Variants in PRELID2 observed in about 807,000 individuals in gnomAD.
PRELID2 encodes PRELI domain-containing protein 2.
A neutral mutation model predicts 28.4 loss-of-function variants in PRELID2; 25 were observed. The ratio of observed to expected loss-of-function variants is 0.88; its 90% confidence interval spans 0.64 to 1.23. The LOEUF (loss-of-function observed/expected upper bound fraction) is 1.23, where lower values mean the gene tolerates loss of function less well. PRELID2 is among the 50% of genes most tolerant of loss of function. The probability of loss-of-function intolerance (pLI) is 0.00; values close to 1 mark genes in which losing one functional copy is unlikely to be tolerated. For missense variants in PRELID2, 201 were observed against 214.4 expected (o/e 0.94, Z 0.39); for synonymous variants, 76 against 71.6 (o/e 1.06, Z -0.31).
the PRELID2 span, among the ~76,000 whole-genome samples, chr5:145,257,184 G>A: frequency 6.6e-6 from 1 of 151,900 alleles, no homozygotes; most frequent in African/African-American, 2.4e-5. Flanking sequence ...AGTGTAATGT[G>A]TGGTTTAGAG....
intron 1 of PRELID2, among the ~76,000 whole-genome samples, chr5:145,566,469 G>A (rs1561507529): frequency 6.6e-6 from 1 of 152,048 alleles, no homozygotes; most frequent in African/African-American, 2.4e-5. Context: ...GAAAAGAGAA[G>A]AGGAAAAGAA....
chr5:145,271,889 T>G, the PRELID2 span, among the ~76,000 whole-genome samples: 1 of 152,182 alleles, frequency 6.6e-6, no homozygotes, highest in Non-Finnish European at 1.5e-5. Context: ...TTGAAGCATT[T>G]TATCAGTCTG....
intron 5 of PRELID2, among the ~76,000 whole-genome samples, chr5:145,784,125 T>C (rs1361862065): frequency 6.7e-6 from 1 of 149,346 alleles, no homozygotes; most frequent in African/African-American, 2.5e-5. Context: ...TTACTAAAAA[T>C]ACAAAAAAAT....
At chr5:145,724,436 C>T (rs1246078016) in intron 1 of PRELID2, among the ~76,000 whole-genome samples, 2 of 150,962 alleles carry the variant, frequency 1.3e-5, no homozygotes, top group Admixed American at 6.6e-5. Context: ...GGAGAAATAT[C>T]AATCTATAAT....
intron 1 of PRELID2, among the ~76,000 whole-genome samples, chr5:145,475,743 C>T (rs1417783864): frequency 1.3e-5 from 2 of 152,130 alleles, no homozygotes; most frequent in Non-Finnish European, 2.9e-5. Context: ...GTCAGCTAAT[C>T]TCTCATTAGA....
At chr5:145,488,934 A>C (rs963018132) in intron 1 of PRELID2, among the ~76,000 whole-genome samples, 3 of 152,122 alleles carry the variant, frequency 2.0e-5, no homozygotes, top group Non-Finnish European at 2.9e-5. Flanking sequence ...TACAGTCCTG[A>C]TTTCCTTTTG....
rs186874652 is a variant in PRELID2 at position 145,616,614 on chromosome 5, A to G, written n.71-143299T>C. Among the ~76,000 whole-genome samples, 80 of 152,258 alleles carry G rather than the reference A, an allele frequency of 5.3e-4. No individual in the cohort carries two copies. In the East Asian group the frequency reaches 0.013, roughly 25 times the overall value. On this transcript the variant is annotated intron_variant and non_coding_transcript_variant, in intron 1 of 2. Transcript: ENST00000510259. ...AGCAAGTTTTTATTAGTGATTTTCA[A>G]AAGGGGAGGGAGTGTACAAATAGGG...
At chr5:145,794,271 T>C (rs1459674615) in intron 5 of PRELID2, among the ~76,000 whole-genome samples, 3 of 152,118 alleles carry the variant, frequency 2.0e-5, no homozygotes, top group Non-Finnish European at 4.4e-5. Context: ...AGTGAAGACC[T>C]TTCTGAAGGC....
At chr5:145,640,993 T>C (rs1157166453) in intron 1 of PRELID2, among the ~76,000 whole-genome samples, 2 of 152,198 alleles carry the variant, frequency 1.3e-5, no homozygotes, top group African/African-American at 4.8e-5. Flanking sequence ...AACCATATTT[T>C]ATACCAGGCC....
chr5:145,701,296 T>G (rs1024448204), intron 1 of PRELID2, among the ~76,000 whole-genome samples: 14 of 152,202 alleles, frequency 9.2e-5, no homozygotes, highest in South Asian at 2.1e-4. Context: ...TGACCCAAAG[T>G]ATACTTTCAA....
At chr5:145,313,979 C>T in the PRELID2 span, among the ~76,000 whole-genome samples, 1 of 152,158 alleles carries the variant, frequency 6.6e-6, no homozygotes, top group Non-Finnish European at 1.5e-5. Flanking sequence ...TTCAAAGTGC[C>T]TATTTTCCAA....
At chr5:145,477,161 G>A (rs1000094675) in intron 1 of PRELID2, among the ~76,000 whole-genome samples, 31 of 152,268 alleles carry the variant, frequency 2.0e-4, no homozygotes, top group African/African-American at 7.0e-4. Context: ...CCGAATAAGA[G>A]AGAGAGAGGA....
At chr5:145,778,841 C>T (rs192710624) in intron 5 of PRELID2, among the ~76,000 whole-genome samples, 6 of 152,342 alleles carry the variant, frequency 3.9e-5, no homozygotes, top group Admixed American at 3.9e-4. Flanking sequence ...AAGTAAAACT[C>T]AGGCAAAGGT....
chr5:145,262,926 T>C, the PRELID2 span, among the ~76,000 whole-genome samples: 1 of 152,112 alleles, frequency 6.6e-6, no homozygotes, highest in Non-Finnish European at 1.5e-5. Context: ...TAACCAAGTA[T>C]CTGGTGTCTT....
chr5:145,465,327 T>C, the PRELID2 span, among the ~76,000 whole-genome samples: 1 of 152,066 alleles, frequency 6.6e-6, no homozygotes. Context: ...CATTAGAGAG[T>C]AATCAGTCAC....
At chr5:145,311,635 A>G in the PRELID2 span, among the ~76,000 whole-genome samples, 1 of 152,228 alleles carries the variant, frequency 6.6e-6, no homozygotes, top group East Asian at 1.9e-4. Flanking sequence ...AAATTCCCTA[A>G]GCAATAACAC....
intron 1 of PRELID2, among the ~76,000 whole-genome samples, chr5:145,562,591 G>A (rs765765380): frequency 2.0e-5 from 3 of 152,222 alleles, no homozygotes; most frequent in African/African-American, 4.8e-5. Flanking sequence ...GGGCAGGAAT[G>A]TAGGCAAGGA....
At chr5:145,395,635 G>A in the PRELID2 span, among the ~76,000 whole-genome samples, 6 of 152,218 alleles carry the variant, frequency 3.9e-5, no homozygotes, top group South Asian at 4.1e-4. Context: ...GGACGAACAC[G>A]TTTGGAAGTA....
At chr5:145,344,888 T>C in the PRELID2 span, among the ~76,000 whole-genome samples, 2 of 152,158 alleles carry the variant, frequency 1.3e-5, no homozygotes, top group Admixed American at 1.3e-4. Context: ...GGATGAATAA[T>C]CATTACTTTT....
Sources: allele counts gnomAD v4.1 joint callset (sites outside exome capture counted in the v4.1 genomes callset), GRCh38; gene constraint gnomAD v4.1.1; transcripts MANE v1.5; gene names NCBI Gene and HGNC (gene_info 2026-07-23, HGNC 2026-07-21).